MYZAP: variants seen among roughly 807,000 people sequenced by gnomAD.
MYZAP encodes GRINL1A complex locus upstream.
Under a neutral mutation model 69.4 loss-of-function variants are expected in MYZAP, and 66 were observed. That is an observed-to-expected ratio of 0.95 (90% CI 0.78 to 1.17). MYZAP has a LOEUF of 1.17. Among genes scored for constraint, MYZAP ranks in the 50% most tolerant of loss-of-function variants. The pLI, the probability that MYZAP is intolerant of heterozygous loss-of-function variation, is 0.00. For missense variants in MYZAP, 611 were observed against 556.2 expected (o/e 1.10, Z -0.99); for synonymous variants, 256 against 205.9 (o/e 1.24, Z -2.09).
At chr15:57,616,618 G>C (rs1209730778) in intron 2 of MYZAP, among the ~76,000 whole-genome samples, 1 of 151,814 alleles carries the variant, frequency 6.6e-6, no homozygotes, top group Non-Finnish European at 1.5e-5. Flanking sequence ...CCTGGCGAGA[G>C]AGTGAGACTC....
chr15:57,637,073 C>T (rs1448809525), intron 8 of MYZAP, among the ~76,000 whole-genome samples: 2 of 152,230 alleles, frequency 1.3e-5, no homozygotes, highest in Non-Finnish European at 1.5e-5. Flanking sequence ...CTCCTTCTCT[C>T]TGATTCTAAC....
intron 4 of MYZAP, among the ~76,000 whole-genome samples, chr15:57,623,291 A>G (rs2035930413): frequency 1.3e-5 from 2 of 152,212 alleles, no homozygotes; most frequent in Non-Finnish European, 2.9e-5. Context: ...AAAATTACAG[A>G]TGTTTAGATC....
chr15:57,632,048 A>G (rs1343162653), intron 6 of MYZAP, among the ~76,000 whole-genome samples: 1 of 152,236 alleles, frequency 6.6e-6, no homozygotes, highest in Non-Finnish European at 1.5e-5. Flanking sequence ...AGCAACATTT[A>G]GGAAAGCACA....
At chr15:57,634,376 T>C (rs1027408646) in intron 8 of MYZAP, among the ~76,000 whole-genome samples, 18 of 152,330 alleles carry the variant, frequency 1.2e-4, no homozygotes, top group African/African-American at 4.3e-4. Context: ...GACGGCTGAC[T>C]TCTGGACCCA....
intron 10 of MYZAP, among the ~76,000 whole-genome samples, chr15:57,653,615 G>A (rs778681174): frequency 1.3e-4 from 20 of 152,246 alleles, no homozygotes; most frequent in Non-Finnish European, 2.2e-4. Context: ...TGAGCAGGCA[G>A]CACCAGGCCA....
At chr15:57,604,151 C>A in intron 1 of MYZAP, 118 bp from the exon 2 acceptor site, 2 of 1,075,250 alleles carry the variant, frequency 1.9e-6, no homozygotes, top group South Asian at 1.5e-5. Context: ...CCTGTATGAT[C>A]AGGACAGTGT....
chr15:57,680,767 A>G (rs1232278592), intron 12 of MYZAP: 2 of 152,182 alleles, frequency 1.3e-5, no homozygotes, highest in African/African-American at 2.4e-5. Context: ...AATATTCCCC[A>G]TGGTCATAAG....
chr15:57,611,789 C>G (rs1360463781), intron 2 of MYZAP, among the ~76,000 whole-genome samples: 2 of 152,092 alleles, frequency 1.3e-5, no homozygotes, highest in Admixed American at 1.3e-4. Flanking sequence ...AAAGCAGTGG[C>G]TATTCCCAGG....
intron 1 of MYZAP, chr15:57,599,799 A>G (rs2034300875): frequency 1.1e-6 from 1 of 918,282 alleles, no homozygotes. Flanking sequence ...TACTCGGACA[A>G]CTTTATGGGT....
intron 11 of MYZAP, among the ~76,000 whole-genome samples, chr15:57,669,730 G>A (rs1283405023): frequency 1.3e-5 from 2 of 151,982 alleles, no homozygotes; most frequent in African/African-American, 4.8e-5. Flanking sequence ...TAGAACTTAG[G>A]TCATTGATTT....
intron 2 of MYZAP, among the ~76,000 whole-genome samples, chr15:57,606,730 AT>A (rs1433269188): frequency 6.6e-6 from 1 of 151,868 alleles, no homozygotes; most frequent in Non-Finnish European, 1.5e-5. Context: ...AAGTATAATA[AT>A]AATAAAATAA....
chr15:57,674,625 G>A (rs1198609713), intron 11 of MYZAP, among the ~76,000 whole-genome samples: 1 of 152,202 alleles, frequency 6.6e-6, no homozygotes. Context: ...TACTATTAAT[G>A]AGTTAAAATA....
intron 8 of MYZAP, among the ~76,000 whole-genome samples, chr15:57,636,253 G>T (rs2036812479): frequency 6.6e-6 from 1 of 151,998 alleles, no homozygotes; most frequent in Non-Finnish European, 1.5e-5. Flanking sequence ...GTTCTGCTCA[G>T]GCCAGGCCAT....
intron 2 of MYZAP, among the ~76,000 whole-genome samples, chr15:57,617,118 C>T (rs1430484813): frequency 1.3e-5 from 2 of 152,010 alleles, no homozygotes; most frequent in African/African-American, 2.4e-5. Context: ...TGCTTAATGT[C>T]AGACAGAATC....
At chr15:57,676,451 T>C (rs1487690592) in intron 12 of MYZAP, among the ~76,000 whole-genome samples, 16 of 141,610 alleles carry the variant, frequency 1.1e-4, no homozygotes, top group Non-Finnish European at 1.8e-4. Flanking sequence ...TATATATATA[T>C]ATATATACAT....
chr15:57,680,323 A>G (rs997713309), intron 12 of MYZAP, among the ~76,000 whole-genome samples: 2 of 152,010 alleles, frequency 1.3e-5, no homozygotes, highest in Non-Finnish European at 2.9e-5. Context: ...AGACTGTCTA[A>G]TCTACTCAGT....
intron 4 of MYZAP, among the ~76,000 whole-genome samples, chr15:57,623,035 A>G (rs1341145009): frequency 6.6e-6 from 1 of 152,242 alleles, no homozygotes; most frequent in African/African-American, 2.4e-5. Flanking sequence ...GATTTGTAAC[A>G]GGTAATGTAT....
chr15:57,625,684 T>A, intron 4 of MYZAP, 95 bp from the exon 5 acceptor site: 1 of 1,063,256 alleles, frequency 9.4e-7, no homozygotes, highest in South Asian at 1.3e-5. Context: ...TTGAAGTAGA[T>A]GTGGCTTCTA....
chr15:57,624,555 C>A (rs992679985), intron 4 of MYZAP, among the ~76,000 whole-genome samples: 3 of 152,186 alleles, frequency 2.0e-5, no homozygotes, highest in Non-Finnish European at 4.4e-5. Flanking sequence ...GTCATTCTGC[C>A]ATGACTGTCA....
Sources: allele counts gnomAD v4.1 joint callset (sites outside exome capture counted in the v4.1 genomes callset), GRCh38; gene constraint gnomAD v4.1.1; transcripts MANE v1.5; gene names NCBI Gene and HGNC (gene_info 2026-07-23, HGNC 2026-07-21).